The following CYYR1 variants were observed in gnomAD, a reference collection of about 807,000 sequenced individuals.
CYYR1 encodes cysteine and tyrosine rich 1.
CYYR1 carries 14 observed loss-of-function variants against 15.2 expected under a neutral mutation model. That is an observed-to-expected ratio of 0.92 (90% CI 0.61 to 1.44). The LOEUF (loss-of-function observed/expected upper bound fraction) is 1.44, where lower values mean the gene tolerates loss of function less well. CYYR1 is among the 40% of genes most tolerant of loss of function. The pLI is 0.00. For synonymous variants in CYYR1, 80 were observed against 77.4 expected, an observed-to-expected ratio of 1.03 and a Z score of -0.18; for missense variants, 228 against 209.5, an observed-to-expected ratio of 1.09 and a Z score of -0.54.
intron 2 of CYYR1, among the ~76,000 whole-genome samples, chr21:26,516,640 A>AATGGTC (rs1775676445): frequency 6.6e-6 from 1 of 152,238 alleles, no homozygotes; most frequent in South Asian, 2.1e-4. Flanking sequence ...TATGTATGAT[A>AATGGTC]ATGGTCAAAC....
intron 2 of CYYR1, among the ~76,000 whole-genome samples, chr21:26,543,410 A>C (rs1490059921): frequency 6.6e-6 from 1 of 152,208 alleles, no homozygotes; most frequent in Non-Finnish European, 1.5e-5. Context: ...TTTTCAAAAA[A>C]AAAATTATAG....
intron 2 of CYYR1, among the ~76,000 whole-genome samples, chr21:26,559,687 T>C (rs757136608): frequency 2.0e-5 from 3 of 152,188 alleles, no homozygotes; most frequent in African/African-American, 4.8e-5. Flanking sequence ...GGATAGCTAG[T>C]TATTTTAGCA....
At chr21:26,496,878 T>C (rs1415263636) in intron 2 of CYYR1, among the ~76,000 whole-genome samples, 2 of 152,186 alleles carry the variant, frequency 1.3e-5, no homozygotes, top group African/African-American at 4.8e-5. Flanking sequence ...TGAATCTTAA[T>C]GGAAAGGTAT....
At chr21:26,512,791 A>C (rs977910965) in intron 2 of CYYR1, among the ~76,000 whole-genome samples, 3 of 152,154 alleles carry the variant, frequency 2.0e-5, no homozygotes, top group East Asian at 3.9e-4. Context: ...AAAGCCTAAA[A>C]TATTTACTAT....
chr21:26,566,674 G>A (rs1020874044), intron 1 of CYYR1, among the ~76,000 whole-genome samples: 1 of 152,098 alleles, frequency 6.6e-6, no homozygotes, highest in Non-Finnish European at 1.5e-5. Flanking sequence ...CTACTCAGTC[G>A]CTGGATTTGT....
intron 2 of CYYR1, among the ~76,000 whole-genome samples, chr21:26,547,407 T>C (rs961759078): frequency 6.6e-6 from 1 of 152,174 alleles, no homozygotes; most frequent in African/African-American, 2.4e-5. Flanking sequence ...TGGACAGACT[T>C]GTCACAAACC....
At chr21:26,484,729 A>G (rs2065228562) in intron 2 of CYYR1, among the ~76,000 whole-genome samples, 1 of 152,124 alleles carries the variant, frequency 6.6e-6, no homozygotes, top group Non-Finnish European at 1.5e-5. Flanking sequence ...GAAGCTGTTA[A>G]GATATCGAAT....
intron 2 of CYYR1, among the ~76,000 whole-genome samples, chr21:26,541,156 C>A (rs936486944): frequency 2.6e-5 from 4 of 152,038 alleles, no homozygotes; most frequent in Non-Finnish European, 5.9e-5. Flanking sequence ...ATATCAAAAT[C>A]TAATACATGT....
intron 2 of CYYR1, among the ~76,000 whole-genome samples, chr21:26,544,745 T>C (rs368829994): frequency 3.7e-4 from 56 of 152,282 alleles, no homozygotes; most frequent in African/African-American, 1.3e-3. Context: ...AAAAACAACA[T>C]CTATCTCTAT....
chr21:26,495,277 A>C (rs140219941), intron 2 of CYYR1, among the ~76,000 whole-genome samples: 4 of 152,334 alleles, frequency 2.6e-5, no homozygotes, highest in Non-Finnish European at 4.4e-5. Flanking sequence ...AAGGGGTAGT[A>C]ATCTTTGGGT....
rs556929504 is a variant in CYYR1, at chr21:26,477,576, G to A, written c.334+2696C>T. 25 of 387,842 alleles carry A rather than the reference G, an allele frequency of 6.4e-5. No individual in the cohort carries two copies. The South Asian group carries it at 1.2e-3, about 18-fold the overall frequency. The allele number at this position is 387,842 out of a possible 1,614,324, so 24.0% of individuals were successfully genotyped here. A position where few individuals can be genotyped will look rare whatever the true frequency, so the allele number is the denominator to read the frequency against. ...AAACATGTGACCTTACATTACTATC[G>A]TGACATTTAGTATTTTCTAACTTTA... On this transcript the variant is annotated intron_variant, in intron 3 of 3. Coordinates refer to ENST00000652641, the MANE Select transcript of CYYR1 (RefSeq NM_001320768.2).
intron 2 of CYYR1, among the ~76,000 whole-genome samples, chr21:26,548,160 T>C (rs1330297959): frequency 6.6e-6 from 1 of 152,238 alleles, no homozygotes; most frequent in Non-Finnish European, 1.5e-5. Context: ...GAATTTTATA[T>C]AGCATTTTAT....
chr21:26,550,385 T>TA (rs764300330), intron 2 of CYYR1: 3 of 152,108 alleles, frequency 2.0e-5, no homozygotes, highest in Non-Finnish European at 2.9e-5. Context: ...CAATGGCCTC[T>TA]AAGAGTTAAA....
intron 2 of CYYR1, among the ~76,000 whole-genome samples, chr21:26,505,700 C>T (rs1219020783): frequency 6.6e-6 from 1 of 152,078 alleles, no homozygotes; most frequent in African/African-American, 2.4e-5. Context: ...GGCAAAGCCA[C>T]CTAGCTAATC....
intron 3 of CYYR1, 78 bp downstream of exon 3, chr21:26,480,194 A>G: frequency 1.4e-6 from 2 of 1,404,222 alleles, no homozygotes; most frequent in Non-Finnish European, 1.9e-6. Flanking sequence ...TTGACCATCT[A>G]GAATGTTTCC....
chr21:26,478,634 C>T (rs2065133517), intron 3 of CYYR1, among the ~76,000 whole-genome samples: 1 of 152,026 alleles, frequency 6.6e-6, no homozygotes, highest in Non-Finnish European at 1.5e-5. Context: ...AGGAGTAATA[C>T]GATCTGACAT....
At chr21:26,553,627 G>C (rs1377942254) in intron 2 of CYYR1, among the ~76,000 whole-genome samples, 1 of 152,096 alleles carries the variant, frequency 6.6e-6, no homozygotes, top group Admixed American at 6.6e-5. Context: ...TTCAAATTTT[G>C]TCTGGTTCCC....
At chr21:26,563,839 T>C (rs1980412919) in intron 2 of CYYR1, among the ~76,000 whole-genome samples, 2 of 152,220 alleles carry the variant, frequency 1.3e-5, no homozygotes, top group African/African-American at 4.8e-5. Flanking sequence ...GCCCAAATTA[T>C]ATTTTGCTCT....
chr21:26,573,233 G>A lies in CYYR1; in HGVS notation c.-293C>T, dbSNP rs1202622321. 7.2e-7 allele frequency: 1 copy of A among 1,395,074 alleles called. No homozygotes were observed. Among genetic ancestry groups the A allele is most frequent in the Non-Finnish European group, 9.4e-7 (1 of 1,062,434 alleles). 86.4% of individuals were successfully genotyped at this position (1,395,074 alleles called of 1,614,324 possible). Reference sequence around the variant, plus strand: ...CAGGCGCGGGGAAGGCGGCCACTCCGGCGTCCTTGGCCACCCAGGCTCACA... The same window carrying A: ...CAGGCGCGGGGAAGGCGGCCACTCCAGCGTCCTTGGCCACCCAGGCTCACA... On this transcript the variant is annotated 5_prime_UTR_variant, in exon 1 of 4. Transcript: ENST00000652641.
Sources: allele counts gnomAD v4.1 joint callset (sites outside exome capture counted in the v4.1 genomes callset), GRCh38; gene constraint gnomAD v4.1.1; transcripts MANE v1.5; gene names NCBI Gene and HGNC (gene_info 2026-07-23, HGNC 2026-07-21).